Variants in PRKG1 observed in about 807,000 individuals in gnomAD.
PRKG1 encodes cGMP-dependent protein kinase 1.
A neutral mutation model predicts 88.1 loss-of-function variants in PRKG1; 35 were observed. That is an observed-to-expected ratio of 0.40 (90% CI 0.30 to 0.53). The LOEUF is 0.53. Ranked by LOEUF, PRKG1 falls within the 20% of genes least tolerant of loss-of-function variation. PRKG1 has a pLI of 0.59. For synonymous variants in PRKG1, 303 were observed against 292.5 expected (o/e 1.04, Z -0.37); for missense variants, 540 against 839.8 (o/e 0.64, Z 4.41).
intron 9 of PRKG1, among the ~76,000 whole-genome samples, chr10:52,207,295 G>A (rs1296032146): frequency 1.3e-5 from 2 of 152,076 alleles, no homozygotes; most frequent in South Asian, 2.1e-4. Flanking sequence ...TAGGGCTCTC[G>A]GATGGTCAGG....
intron 2 of PRKG1, among the ~76,000 whole-genome samples, chr10:51,255,472 T>C (rs1045618702): frequency 2.0e-5 from 3 of 152,116 alleles, no homozygotes; most frequent in Non-Finnish European, 4.4e-5. Context: ...CATTTATTTA[T>C]CATCTCACAT....
chr10:51,156,609 T>TA (rs1249879040), intron 2 of PRKG1, among the ~76,000 whole-genome samples: 2 of 152,024 alleles, frequency 1.3e-5, no homozygotes, highest in Admixed American at 6.6e-5. Flanking sequence ...TTAAACTCAA[T>TA]AAAATGACTA....
intron 2 of PRKG1, among the ~76,000 whole-genome samples, chr10:51,300,675 C>T (rs185457335): frequency 1.6e-4 from 24 of 152,286 alleles, no homozygotes; most frequent in Admixed American, 1.4e-3. Flanking sequence ...TCTGTGGACC[C>T]CAGCAATGGT....
chr10:52,154,609 A>G (rs971547979), intron 8 of PRKG1, among the ~76,000 whole-genome samples: 2 of 152,140 alleles, frequency 1.3e-5, no homozygotes, highest in Non-Finnish European at 2.9e-5. Flanking sequence ...TTTTTAAAAC[A>G]GTGTTTCTCT....
chr10:51,630,297 T>C (rs1839490390), intron 3 of PRKG1, among the ~76,000 whole-genome samples: 1 of 152,172 alleles, frequency 6.6e-6, no homozygotes, highest in Non-Finnish European at 1.5e-5. Flanking sequence ...TTAATGCGGT[T>C]AATTTTAATC....
At chr10:51,061,060 GGTGTGT>G (rs71029344) in intron 1 of PRKG1, among the ~76,000 whole-genome samples, 1 of 147,042 alleles carries the variant, frequency 6.8e-6, no homozygotes, top group East Asian at 2.0e-4. Flanking sequence ...TATACCTAGG[GGTGTGT>G]GTGTGTGTGT....
intron 1 of PRKG1, among the ~76,000 whole-genome samples, chr10:51,069,069 C>T (rs992862068): frequency 3.3e-5 from 5 of 151,720 alleles, no homozygotes; most frequent in African/African-American, 4.8e-5. Context: ...CTAGTTTAGC[C>T]TGAGACCCAA....
At chr10:51,298,945 C>T (rs1277978479) in intron 2 of PRKG1, among the ~76,000 whole-genome samples, 1 of 152,028 alleles carries the variant, frequency 6.6e-6, no homozygotes, top group Non-Finnish European at 1.5e-5. Flanking sequence ...TAATATTGTT[C>T]TTTGGTAAGT....
At chr10:51,561,826 TA>T (rs1422691763) in intron 3 of PRKG1, among the ~76,000 whole-genome samples, 1 of 152,134 alleles carries the variant, frequency 6.6e-6, no homozygotes, top group Non-Finnish European at 1.5e-5. Flanking sequence ...TTGCATTACG[TA>T]AATGAGAGTG....
At chr10:51,292,734 T>C (rs926871922) in intron 2 of PRKG1, among the ~76,000 whole-genome samples, 1 of 152,208 alleles carries the variant, frequency 6.6e-6, no homozygotes, top group Non-Finnish European at 1.5e-5. Context: ...TTTCCTTTTC[T>C]AGGTCTGCCT....
intron 7 of PRKG1, among the ~76,000 whole-genome samples, chr10:52,069,859 A>T (rs1006001661): frequency 1.3e-5 from 2 of 151,864 alleles, no homozygotes; most frequent in African/African-American, 4.8e-5. Flanking sequence ...CGGTCAATAT[A>T]TTATTTTTTT....
intron 3 of PRKG1, among the ~76,000 whole-genome samples, chr10:51,570,349 A>G (rs575572177): frequency 6.6e-6 from 1 of 152,036 alleles, no homozygotes; most frequent in African/African-American, 2.4e-5. Context: ...CTGTATTCTT[A>G]CAATAAATTA....
chr10:51,736,035 G>T (rs1027914246), intron 3 of PRKG1, among the ~76,000 whole-genome samples: 1 of 147,024 alleles, frequency 6.8e-6, no homozygotes, highest in Non-Finnish European at 1.5e-5. Context: ...TAGGACCACA[G>T]GTGTGTGCCA....
chr10:51,231,070 T>C (rs1206206026), intron 2 of PRKG1, among the ~76,000 whole-genome samples: 1 of 152,140 alleles, frequency 6.6e-6, no homozygotes, highest in Non-Finnish European at 1.5e-5. Flanking sequence ...TCAGCCCTTC[T>C]TGCTGGGAGT....
chr10:51,774,515 G>A (rs1480821658), intron 3 of PRKG1, among the ~76,000 whole-genome samples: 4 of 151,908 alleles, frequency 2.6e-5, no homozygotes, highest in African/African-American at 9.7e-5. Context: ...TTAAACCAAA[G>A]TCTCAGAAGT....
chr10:52,027,946 G>A (rs1455531376), intron 5 of PRKG1, among the ~76,000 whole-genome samples: 1 of 151,966 alleles, frequency 6.6e-6, no homozygotes, highest in Non-Finnish European at 1.5e-5. Context: ...CTGCCACCAC[G>A]CCCAGCTAAT....
intron 3 of PRKG1, among the ~76,000 whole-genome samples, chr10:51,556,035 G>T (rs1436843365): frequency 6.6e-6 from 1 of 151,998 alleles, no homozygotes; most frequent in Non-Finnish European, 1.5e-5. Flanking sequence ...AAGCTGTAAG[G>T]AATAGAGGGA....
intron 9 of PRKG1, among the ~76,000 whole-genome samples, chr10:52,218,352 C>A (rs971409314): frequency 2.0e-5 from 3 of 151,658 alleles, no homozygotes; most frequent in African/African-American, 7.3e-5. Context: ...AGGTAGCAAG[C>A]ACAAGGCCAT....
intron 4 of PRKG1, among the ~76,000 whole-genome samples, chr10:51,883,132 C>T (rs760833452): frequency 6.6e-6 from 1 of 152,200 alleles, no homozygotes; most frequent in Non-Finnish European, 1.5e-5. Context: ...TCCTGAGGGA[C>T]ATTCATCTTC....
Sources: allele counts gnomAD v4.1 joint callset (sites outside exome capture counted in the v4.1 genomes callset), GRCh38; gene constraint gnomAD v4.1.1; transcripts MANE v1.5; gene names NCBI Gene and HGNC (gene_info 2026-07-23, HGNC 2026-07-21).